TENT5A: variants seen among roughly 807,000 people sequenced by gnomAD.
The protein encoded by TENT5A is terminal nucleotidyltransferase 5A, also known as HBV X-transactivated gene 11 protein.
TENT5A carries 9 observed loss-of-function variants against 30.2 expected under a neutral mutation model. The observed-to-expected ratio is 0.30, with a 90% CI of 0.18 to 0.52. TENT5A has a LOEUF of 0.52. Among genes scored for constraint, TENT5A ranks in the 20% least tolerant of loss-of-function variants. The pLI is 0.97. For missense variants in TENT5A, 411 were observed against 566.1 expected, an observed-to-expected ratio of 0.73 and a Z score of 2.78; for synonymous variants, 264 against 234.2, an observed-to-expected ratio of 1.13 and a Z score of -1.16.
At position 81,752,548 on chromosome 6, in the gene TENT5A, A is replaced by T; in HGVS notation, c.-155T>A. The T allele has an allele frequency of 9.1e-7, 1 of 1,093,700 alleles. No homozygotes were observed. Among genetic ancestry groups the T allele is most frequent in the Non-Finnish European group, 1.4e-6 (1 of 732,324 alleles). The allele number at this position is 1,093,700 out of a possible 1,614,324, so 67.7% of individuals were successfully genotyped here. On this transcript the variant is annotated 5_prime_UTR_variant, in exon 1 of 3. Transcript: ENST00000320172. ...CAAATAGCGACTTCGTCTTTCCCAG[A>T]CCCCTGCCGCCTGCGCTCACCACTC...
intron 2 of TENT5A, 88 bp downstream of exon 2, chr6:81,751,502 T>C (rs1308843618): frequency 1.6e-5 from 19 of 1,214,950 alleles, no homozygotes; most frequent in South Asian, 8.7e-5. Context: ...CACAGATTCA[T>C]GGCATTTAAC....
At position 81,746,888 on chromosome 6, in the gene TENT5A, C is replaced by T. The variant is rs564639110; in HGVS notation, c.*2807G>A. On this transcript the variant is annotated 3_prime_UTR_variant, in exon 3 of 3. Transcript: ENST00000320172. ...TACATATGCACAAGACTATAGTACA[C>T]ACAAAATAGAAATAAATTATATAAG... 38 of 1,072,028 alleles carry T rather than the reference C, an allele frequency of 3.5e-5. No individual in the cohort carries two copies. The African/African-American group carries it at 5.9e-4, about 17-fold the overall frequency. 66.4% of individuals were successfully genotyped at this position (1,072,028 alleles called of 1,614,324 possible).
rs1768883068 is a variant in TENT5A at position 81,746,293 on chromosome 6, T to C, written c.*3402A>G. Reference sequence around the variant, plus strand: ...ACAGCTTTCAACATAATACATTTCATTTACAAAATAGTTCACAATATTTAT... The same window carrying C: ...ACAGCTTTCAACATAATACATTTCACTTACAAAATAGTTCACAATATTTAT... On this transcript the variant is annotated 3_prime_UTR_variant, in exon 3 of 3. Coordinates refer to ENST00000320172, the MANE Select transcript of TENT5A (RefSeq NM_017633.3). 8.3e-7 allele frequency: 1 copy of C among 1,207,390 alleles called. No homozygotes were observed. The highest frequency in any genetic ancestry group is 4.3e-5 in the South Asian group (1 of 23,298). The allele number at this position is 1,207,390 out of a possible 1,614,324, so 74.8% of individuals were successfully genotyped here. A position where few individuals can be genotyped will look rare whatever the true frequency, so the allele number is the denominator to read the frequency against.
chr6:81,751,090 C>T (rs1769021465), intron 2 of TENT5A, among the ~76,000 whole-genome samples: 1 of 152,186 alleles, frequency 6.6e-6, no homozygotes, highest in African/African-American at 2.4e-5. Context: ...TATGAACCAG[C>T]ACGAAGAACC....
Position 81,746,683 on chromosome 6 carries a change from G to A in TENT5A, c.*3012C>T, listed in dbSNP as rs557297134. ...CTCCAAAAGACAAAACTTCTTCCTG[G>A]TTTAAAGAAACAGCACACTAGGCCA... On this transcript the variant is annotated 3_prime_UTR_variant, in exon 3 of 3. Transcript: ENST00000320172. 1.3e-4 allele frequency: 164 copies of A among 1,229,316 alleles called. No homozygotes were observed. The African/African-American group carries it at 2.2e-3, about 17-fold the overall frequency. 76.2% of individuals were successfully genotyped at this position (1,229,316 alleles called of 1,614,324 possible). A position where few individuals can be genotyped will look rare whatever the true frequency, so the allele number is the denominator to read the frequency against.
In TENT5A at chr6:81,750,570, C is replaced by A; in HGVS notation, c.553-99G>T. 2.5e-6 allele frequency: 2 copies of A among 805,402 alleles called. No individual in the cohort carries two copies. Among genetic ancestry groups the A allele is most frequent in the South Asian group, 2.1e-5 (1 of 46,856 alleles). The allele number at this position is 805,402 out of a possible 1,614,324, so 49.9% of individuals were successfully genotyped here. A position where few individuals can be genotyped will look rare whatever the true frequency, so the allele number is the denominator to read the frequency against. ...ACAGCTGAGAATTATTTTGCTCTTT[C>A]CCTTTTGTTTTGTCAAGTTTCAGCC... On this transcript the variant is annotated intron_variant, in intron 2 of 2. Coordinates refer to ENST00000320172, the MANE Select transcript of TENT5A (RefSeq NM_017633.3). The surrounding 1 kb of genome is among the most constrained non-coding windows in gnomAD (Gnocchi z 4.2).
chr6:81,752,340 C>A (rs1168440100), intron 1 of TENT5A, 91 bp downstream of exon 1: 21 of 1,549,168 alleles, frequency 1.4e-5, no homozygotes, highest in Non-Finnish European at 1.8e-5. Flanking sequence ...TTACAGTCCC[C>A]AGCCGCGCAC....
chr6:81,748,265 G>C lies in TENT5A; in HGVS notation c.*1430C>G. On this transcript the variant is annotated 3_prime_UTR_variant, in exon 3 of 3. Coordinates refer to ENST00000320172, the MANE Select transcript of TENT5A (RefSeq NM_017633.3). ...ATGATCCACTAGATTAAACATCATA[G>C]AGGAATGCAATTTTTTTTTTAATAA... 2 of 984,026 alleles carry C rather than the reference G, an allele frequency of 2.0e-6. No individual in the cohort carries two copies. Among genetic ancestry groups the C allele is most frequent in the South Asian group, 9.4e-5 (2 of 21,244 alleles). 61.0% of individuals were successfully genotyped at this position (984,026 alleles called of 1,614,324 possible). A position where few individuals can be genotyped will look rare whatever the true frequency, so the allele number is the denominator to read the frequency against.
chr6:81,751,545 G>A (rs970931035), intron 2 of TENT5A, 45 bp downstream of exon 2: 35 of 1,524,234 alleles, frequency 2.3e-5, no homozygotes, highest in Non-Finnish European at 2.8e-5. Flanking sequence ...CGTCACACCC[G>A]GCCCAGACTG....
chr6:81,751,373 G>C (rs112923873), intron 2 of TENT5A, among the ~76,000 whole-genome samples: 2 of 152,192 alleles, frequency 1.3e-5, no homozygotes, highest in Admixed American at 6.5e-5. Flanking sequence ...CCTGGGAGAA[G>C]AGTTGTAGCG....
At position 81,750,922 on chromosome 6, in the gene TENT5A, T is replaced by C. The variant is rs762246236; in HGVS notation, c.553-451A>G. ...GCGGCAATCAATGTTATCAGTATCT[T>C]GTGTGTCCCTCCAGGGGCACCCTGC... On this transcript the variant is annotated intron_variant, in intron 2 of 2. Coordinates refer to ENST00000320172, the MANE Select transcript of TENT5A (RefSeq NM_017633.3). The surrounding 1 kb of genome is among the most constrained non-coding windows in gnomAD (Gnocchi z 4.2). Among the ~76,000 whole-genome samples, 1 of 152,236 alleles carries C rather than the reference T, an allele frequency of 6.6e-6. No homozygotes were observed. The highest frequency in any genetic ancestry group is 1.5e-5 in the Non-Finnish European group (1 of 68,044).
Position 81,746,248 on chromosome 6 carries a change from A to C in TENT5A, c.*3447T>G. The stretch of plus-strand genomic sequence containing the variant: ...CACACTTCATCTTCAACAACAACAA[A>C]AAAGCTTATTTTTGAACTGACAGCT... On this transcript the variant is annotated 3_prime_UTR_variant, in exon 3 of 3. Coordinates refer to ENST00000320172, the MANE Select transcript of TENT5A (RefSeq NM_017633.3). The C allele has an allele frequency of 8.6e-7, 1 of 1,158,402 alleles. No homozygotes were observed. The highest frequency in any genetic ancestry group is 1.1e-6 in the Non-Finnish European group (1 of 942,750). The allele number at this position is 1,158,402 out of a possible 1,614,324, so 71.8% of individuals were successfully genotyped here.
rs773616942 is a variant in TENT5A at position 81,749,731 on chromosome 6, C to T, written c.1293G>A (p.Gln431=). 6.2e-6 allele frequency: 10 copies of T among 1,612,264 alleles called. No individual in the cohort carries two copies. The highest frequency in any genetic ancestry group is 8.5e-6 in the Non-Finnish European group (10 of 1,179,850). The change falls in exon 3 of 3, where the codon CAG becomes CAA. Residue 431 remains glutamine (Q), a synonymous_variant. Coordinates refer to ENST00000320172, the MANE Select transcript of TENT5A (RefSeq NM_017633.3). ...IAQVQPVFTC[Q]QQTYSTWLPC... ...GTAGCCAAGTGGAGTAGGTCTGTTG[C>T]TGGCACGTGAATACTGGCTGAACCT...
chr6:81,747,252 A>T lies in TENT5A; in HGVS notation c.*2443T>A, dbSNP rs1554200100. 3.0e-6 allele frequency: 3 copies of T among 985,680 alleles called. No homozygotes were observed. The highest frequency in any genetic ancestry group is 4.7e-5 in the South Asian group (1 of 21,286). 61.1% of individuals were successfully genotyped at this position (985,680 alleles called of 1,614,324 possible). The stretch of plus-strand genomic sequence containing the variant: ...CCTAGTTTTCTTTCAGAAAACTTTG[A>T]AACAACTAAGCAGGCGGAGCTCTGG... On this transcript the variant is annotated 3_prime_UTR_variant, in exon 3 of 3. Transcript: ENST00000320172.
chr6:81,745,732 A>C lies in TENT5A; in HGVS notation c.*3963T>G. ...ACATTGTAGACAGCAAACACAAATC[A>C]ATAGAAAAAAATAACTTTTTTATTT... On this transcript the variant is annotated 3_prime_UTR_variant, in exon 3 of 3. Transcript: ENST00000320172. 4.1e-6 allele frequency: 4 copies of C among 985,442 alleles called. No individual in the cohort carries two copies. The South Asian group carries it at 1.4e-4, about 35-fold the overall frequency. The allele number at this position is 985,442 out of a possible 1,614,324, so 61.0% of individuals were successfully genotyped here. A position where few individuals can be genotyped will look rare whatever the true frequency, so the allele number is the denominator to read the frequency against.
At position 81,746,217 on chromosome 6, in the gene TENT5A, A is replaced by T; in HGVS notation, c.*3478T>A. On this transcript the variant is annotated 3_prime_UTR_variant, in exon 3 of 3. Coordinates refer to ENST00000320172, the MANE Select transcript of TENT5A (RefSeq NM_017633.3). ...TTACTTTTTTTGGCTTTTTGGTTTC[A>T]CCTAACACACTTCATCTTCAACAAC... 1.8e-6 allele frequency: 2 copies of T among 1,108,188 alleles called. No individual in the cohort carries two copies. The highest frequency in any genetic ancestry group is 1.1e-6 in the Non-Finnish European group (1 of 909,916). The allele number at this position is 1,108,188 out of a possible 1,614,324, so 68.6% of individuals were successfully genotyped here.
Position 81,749,813 on chromosome 6 carries a change from T to A in TENT5A, c.1211A>T (p.Tyr404Phe). 1 of 1,614,102 alleles carries A rather than the reference T, an allele frequency of 6.2e-7. No homozygotes were observed. The highest frequency in any genetic ancestry group is 1.1e-5 in the South Asian group (1 of 91,080). Residue 404 changes from tyrosine (Y) to phenylalanine (F), a missense_variant, in exon 3 of 3, where the codon TAT (tyrosine) becomes TTT (phenylalanine). Tyr to Phe is a conservative substitution (Grantham distance 22). Around this residue, in one of 5 missense-constraint regions of TENT5A, gnomAD observed 75 missense variants for 80.9 expected, o/e 0.93. Coordinates refer to ENST00000320172, the MANE Select transcript of TENT5A (RefSeq NM_017633.3). ...VIPNVANVTC[Y>F]YQPAPYVADA... The stretch of plus-strand genomic sequence containing the variant: ...TGCTACATAGGGGGCTGGCTGGTAA[T>A]AGCAAGTGACATTAGCCACATTAGG...
chr6:81,749,605 G>A lies in TENT5A; in HGVS notation c.*90C>T, dbSNP rs112538963. 6.7e-7 allele frequency: 1 copy of A among 1,503,388 alleles called. No individual in the cohort carries two copies. The highest frequency in any genetic ancestry group is 1.4e-5 in the African/African-American group (1 of 71,324). 93.1% of individuals were successfully genotyped at this position (1,503,388 alleles called of 1,614,324 possible). On this transcript the variant is annotated 3_prime_UTR_variant, in exon 3 of 3. Transcript: ENST00000320172. The stretch of plus-strand genomic sequence containing the variant: ...TTGCACAAAACACATCCCTAATAAG[G>A]GCTGGATCACTCTTTTTTTTTTCTT...
rs1421748674 is a variant in TENT5A, at chr6:81,748,591, T to C, written c.*1104A>G. ...ACATTTCCTATTTGAGACATTATTC[T>C]AGATCATAGTCAATCTACTGTGTAT... On this transcript the variant is annotated 3_prime_UTR_variant, in exon 3 of 3. Transcript: ENST00000320172. 2.1e-6 allele frequency: 2 copies of C among 973,686 alleles called. No homozygotes were observed. Among genetic ancestry groups the C allele is most frequent in the African/African-American group, 1.8e-5 (1 of 56,960 alleles). 60.3% of individuals were successfully genotyped at this position (973,686 alleles called of 1,614,324 possible). A position where few individuals can be genotyped will look rare whatever the true frequency, so the allele number is the denominator to read the frequency against.
Sources: gnomAD v4.1 joint callset for allele counts (sites outside exome capture counted in the v4.1 genomes callset) on GRCh38, gnomAD v4.1.1 for gene constraint, gnomAD v4.1.1 regional missense constraint, Gnocchi (gnomAD v3.1) non-coding constraint, MANE v1.5 for transcripts, NCBI Gene and HGNC (gene_info 2026-07-23, HGNC 2026-07-21) for gene names.